The following BLTP1 variants were observed in gnomAD, a reference collection of about 807,000 sequenced individuals.
BLTP1 encodes fragile site-associated protein.
chr4:122,341,231 A>G, the BLTP1 span, among the ~76,000 whole-genome samples: 9 of 152,140 alleles, frequency 5.9e-5, no homozygotes, highest in African/African-American at 2.2e-4. Context: ...AAAGTGTTTG[A>G]TACATTTGCT....
chr4:122,231,847 T>TA, the BLTP1 span: 1 of 963,800 alleles, frequency 1.0e-6, no homozygotes, highest in Non-Finnish European at 1.2e-6. Context: ...TTTTTCTGGT[T>TA]AAAAAAAGAA....
the BLTP1 span, chr4:122,281,720 C>T: frequency 6.2e-7 from 1 of 1,603,938 alleles, no homozygotes; most frequent in Admixed American, 1.7e-5. Flanking sequence ...AGCACTTTTA[C>T]CATCTCTGAA....
chr4:122,276,813 G>C, the BLTP1 span: 1 of 975,548 alleles, frequency 1.0e-6, no homozygotes, highest in Non-Finnish European at 1.2e-6. Flanking sequence ...AATTGGTTTT[G>C]AATTTTATGT....
the BLTP1 span, chr4:122,339,092 C>A: frequency 1.6e-6 from 2 of 1,229,984 alleles, no homozygotes; most frequent in East Asian, 2.6e-5. Flanking sequence ...TACTTTATTT[C>A]TTTCTGTTTA....
chr4:122,346,054 T>C, the BLTP1 span: 129 of 982,032 alleles, frequency 1.3e-4, no homozygotes, highest in Non-Finnish European at 1.5e-4. Context: ...AGGTATGGGC[T>C]CAGACAAAAA....
At chr4:122,276,852 A>G in the BLTP1 span, 1 of 980,336 alleles carries the variant, frequency 1.0e-6, no homozygotes, top group African/African-American at 1.8e-5. Flanking sequence ...TTTATAAACA[A>G]TCAAGACCTC....
At chr4:122,218,637 C>T in the BLTP1 span, among the ~76,000 whole-genome samples, 1 of 152,018 alleles carries the variant, frequency 6.6e-6, no homozygotes, top group Non-Finnish European at 1.5e-5. Flanking sequence ...GAATATTTAA[C>T]AACTTTTATT....
chr4:122,320,275 A>G, the BLTP1 span, among the ~76,000 whole-genome samples: 2 of 152,240 alleles, frequency 1.3e-5, no homozygotes, highest in African/African-American at 4.8e-5. Context: ...CAGCCTCCCA[A>G]GTAGCTGGGA....
chr4:122,343,425 G>A, the BLTP1 span: 1 of 1,613,782 alleles, frequency 6.2e-7, no homozygotes, highest in Non-Finnish European at 8.5e-7. Flanking sequence ...TCGGGATTAG[G>A]CAGCCCTCTT....
chr4:122,273,193 A>G, the BLTP1 span: 1 of 952,794 alleles, frequency 1.0e-6, no homozygotes, highest in Non-Finnish European at 1.2e-6. Context: ...TGTTAACTTT[A>G]TGATTCAGAA....
At chr4:122,224,056 A>C in the BLTP1 span, 3 of 981,628 alleles carry the variant, frequency 3.1e-6, no homozygotes, top group Non-Finnish European at 3.6e-6. Flanking sequence ...ATCTATATGG[A>C]AGTTTACTTT....
At chr4:122,258,127 G>A in the BLTP1 span, among the ~76,000 whole-genome samples, 1 of 152,044 alleles carries the variant, frequency 6.6e-6, no homozygotes, top group Non-Finnish European at 1.5e-5. Context: ...TTTATGAAAT[G>A]TACTTGCATA....
the BLTP1 span, chr4:122,318,334 A>C: frequency 1.6e-6 from 2 of 1,288,310 alleles, no homozygotes; most frequent in Admixed American, 3.7e-5. Context: ...TATCATATCT[A>C]CTGCGTACCA....
At chr4:122,325,732 A>T in the BLTP1 span, 1 of 805,086 alleles carries the variant, frequency 1.2e-6, no homozygotes, top group Non-Finnish European at 1.7e-6. Context: ...TTGTATTCTA[A>T]TTTCATAGCA....
chr4:122,349,355 GAT>G, the BLTP1 span: 6 of 1,583,040 alleles, frequency 3.8e-6, no homozygotes, highest in Non-Finnish European at 3.4e-6. This position sits in a 1 kb window ranked among gnomAD's most constrained non-coding sequence, Gnocchi z 4.5. Context: ...ATATCCTTAA[GAT>G]ATATATATCA....
chr4:122,272,313 GCA>G, the BLTP1 span: 1 of 1,612,950 alleles, frequency 6.2e-7, no homozygotes, highest in Non-Finnish European at 8.5e-7. Flanking sequence ...ATGGTGAACC[GCA>G]CACACCTAGA....
At chr4:122,244,146 T>TCAC in the BLTP1 span, 6 of 1,051,692 alleles carry the variant, frequency 5.7e-6, no homozygotes, top group African/African-American at 1.7e-5. Context: ...ATATGTGATA[T>TCAC]ATGTTCATAT....
At chr4:122,153,301 G>A in the BLTP1 span, among the ~76,000 whole-genome samples, 4 of 151,766 alleles carry the variant, frequency 2.6e-5, no homozygotes, top group African/African-American at 9.7e-5. Context: ...CCGGTTTAGT[G>A]GTTTCTGCTT....
chr4:122,200,605 C>A, the BLTP1 span: 1 of 867,368 alleles, frequency 1.2e-6, no homozygotes, highest in South Asian at 5.8e-5. Flanking sequence ...AAAAAAAATG[C>A]CAAACTGCAG....
Sources: allele counts gnomAD v4.1 joint callset (sites outside exome capture counted in the v4.1 genomes callset), GRCh38; gene constraint gnomAD v4.1.1; non-coding constraint Gnocchi (gnomAD v3.1); transcripts MANE v1.5; gene names NCBI Gene and HGNC (gene_info 2026-07-23, HGNC 2026-07-21).